TYW1B: variants seen among roughly 807,000 people sequenced by gnomAD.
TYW1B encodes the protein S-adenosyl-L-methionine-dependent tRNA 4-demethylwyosine synthase TYW1B.
A neutral mutation model predicts 86.9 loss-of-function variants in TYW1B; 73 were observed. The ratio of observed to expected loss-of-function variants is 0.84; its 90% CI spans 0.70 to 1.02. The LOEUF (loss-of-function observed/expected upper bound fraction) is 1.02, where lower values mean the gene tolerates loss of function less well. TYW1B is among the 50% of genes least tolerant of loss of function. The pLI, the probability that TYW1B is intolerant of heterozygous loss-of-function variation, is 0.00. For missense variants in TYW1B, 637 were observed against 827.4 expected (o/e 0.77, Z 2.82); for synonymous variants, 248 against 292.8 (o/e 0.85, Z 1.56).
At chr7:72,743,899 C>T (rs1164075868) in intron 8 of TYW1B, among the ~76,000 whole-genome samples, 1 of 151,260 alleles carries the variant, frequency 6.6e-6, no homozygotes, top group Non-Finnish European at 1.5e-5. Flanking sequence ...GCAAGCACCA[C>T]CACCCCCAAA....
chr7:72,702,097 T>C (rs1814490059), intron 10 of TYW1B, among the ~76,000 whole-genome samples: 1 of 152,214 alleles, frequency 6.6e-6, no homozygotes, highest in African/African-American at 2.4e-5. Flanking sequence ...CATTTATTGG[T>C]GAGCTTCTTG....
chr7:72,795,609 T>C (rs1163012365), intron 6 of TYW1B, among the ~76,000 whole-genome samples: 1 of 150,736 alleles, frequency 6.6e-6, no homozygotes, highest in African/African-American at 2.4e-5. Flanking sequence ...ATTTGGTTGG[T>C]TGGTGTAGGT....
intron 6 of TYW1B, among the ~76,000 whole-genome samples, chr7:72,797,116 T>C (rs1168005816): frequency 6.6e-6 from 1 of 152,202 alleles, no homozygotes; most frequent in African/African-American, 2.4e-5. Flanking sequence ...CATATATATC[T>C]GGTCTTTGAC....
chr7:72,686,633 T>C (rs1327552442), intron 11 of TYW1B, among the ~76,000 whole-genome samples: 1 of 152,154 alleles, frequency 6.6e-6, no homozygotes, highest in African/African-American at 2.4e-5. Context: ...GGTGGATACA[T>C]GTCACTATAC....
chr7:72,779,734 T>G (rs1364830000), intron 6 of TYW1B, among the ~76,000 whole-genome samples: 2 of 56,506 alleles, frequency 3.5e-5, no homozygotes, highest in African/African-American at 5.5e-5. Flanking sequence ...AAAAAAAAAA[T>G]TAACACTCAC....
At chr7:72,607,405 A>AAAAAAAAAG (rs1156598377) in intron 13 of TYW1B, among the ~76,000 whole-genome samples, 2 of 150,890 alleles carry the variant, frequency 1.3e-5, no homozygotes, top group East Asian at 1.9e-4. Context: ...AAAAAAAAAA[A>AAAAAAAAAG]AAAAGAAAAG....
intron 12 of TYW1B, among the ~76,000 whole-genome samples, chr7:72,621,851 A>G (rs1375774746): frequency 6.6e-6 from 1 of 152,252 alleles, no homozygotes; most frequent in East Asian, 1.9e-4. Context: ...CAGCTGATAA[A>G]CGCTGGTTAG....
chr7:72,706,431 C>CAAAAAA (rs59124514), intron 10 of TYW1B, among the ~76,000 whole-genome samples: 6 of 64,486 alleles, frequency 9.3e-5, no homozygotes, highest in South Asian at 5.6e-4. Flanking sequence ...CCTCCATCTC[C>CAAAAAA]AAAAAAAAAA....
intron 7 of TYW1B, 28 bp downstream of exon 7, chr7:72,777,388 T>C (rs782098371): frequency 1.2e-6 from 2 of 1,611,982 alleles, no homozygotes; most frequent in South Asian, 1.1e-5. Flanking sequence ...ACTATAGTCA[T>C]ATAACAACAA....
chr7:72,608,149 G>A (rs1460424269), intron 13 of TYW1B, among the ~76,000 whole-genome samples: 1 of 152,218 alleles, frequency 6.6e-6, no homozygotes, highest in African/African-American at 2.4e-5. Context: ...AGGACTGGTT[G>A]CTATCACACT....
Position 72,777,429 on chromosome 7 carries a change from G to A in TYW1B, c.951C>T (p.Ala317=). The A allele has an allele frequency of 6.2e-7, 1 of 1,613,706 alleles. No individual in the cohort carries two copies. The highest frequency in any genetic ancestry group is 8.5e-7 in the Non-Finnish European group (1 of 1,179,836). Residue 317 remains alanine (A), a synonymous_variant, in exon 7 of 14, where the codon GCC becomes GCT. Transcript: ENST00000620995. ...GAAGATTTTCACCTTGTTTAGTAAG[G>A]GCTTCTCGGAGAGCAGGAGTTATCA... ...RAMITPALRE[A]LTKQVDAPRE...
intron 10 of TYW1B, among the ~76,000 whole-genome samples, chr7:72,697,098 T>C (rs1585910421): frequency 6.6e-6 from 1 of 151,026 alleles, no homozygotes; most frequent in African/African-American, 2.4e-5. Flanking sequence ...TATCATCATC[T>C]GATAACTAAC....
At chr7:72,807,813 A>C (rs1263681640) in intron 4 of TYW1B, among the ~76,000 whole-genome samples, 1 of 152,200 alleles carries the variant, frequency 6.6e-6, no homozygotes, top group Non-Finnish European at 1.5e-5. Flanking sequence ...TTTCACTGTG[A>C]TATGAAGCAA....
At chr7:72,823,626 T>A (rs1430360244) in intron 2 of TYW1B, among the ~76,000 whole-genome samples, 2 of 151,182 alleles carry the variant, frequency 1.3e-5, no homozygotes, top group African/African-American at 2.4e-5. Flanking sequence ...CTCAAAAAAA[T>A]AAATAAATAA....
intron 11 of TYW1B, among the ~76,000 whole-genome samples, chr7:72,693,328 G>T (rs1455714246): frequency 1.3e-5 from 2 of 151,832 alleles, no homozygotes; most frequent in Non-Finnish European, 2.9e-5. Context: ...ACATTCTGAG[G>T]CTATTGATGG....
intron 6 of TYW1B, among the ~76,000 whole-genome samples, chr7:72,801,273 G>A (rs1329978477): frequency 2.0e-5 from 3 of 151,882 alleles, no homozygotes; most frequent in African/African-American, 7.3e-5. Context: ...AGGTTGCAGT[G>A]AGCCGAGATC....
At chr7:72,749,491 A>C (rs1787458072) in intron 7 of TYW1B, among the ~76,000 whole-genome samples, 1 of 152,006 alleles carries the variant, frequency 6.6e-6, no homozygotes, top group Admixed American at 6.6e-5. Context: ...GACGGGGTTC[A>C]CTGTATTAGC....
chr7:72,592,403 C>T (rs1585831416), intron 13 of TYW1B, among the ~76,000 whole-genome samples: 1 of 152,154 alleles, frequency 6.6e-6, no homozygotes, highest in South Asian at 2.1e-4. Context: ...ACAGCATCTA[C>T]ACAAAAGGAA....
At position 72,632,309 on chromosome 7, in the gene TYW1B, ATAT is replaced by A. The variant is rs1449402827; in HGVS notation, c.1507-3315_1507-3313del. ...TGTATATATATATATACGTGTATAT[ATAT>A]TATATATATTATATATATATACACG... On this transcript the variant is annotated intron_variant, in intron 11 of 13. Transcript: ENST00000620995. 2.0e-3 allele frequency among the ~76,000 whole-genome samples: 190 copies of A among 93,896 alleles called. 6 individuals carry two copies. The highest frequency in any genetic ancestry group is 5.2e-3 in the African/African-American group (99 of 19,096). 61.6% of individuals were successfully genotyped at this position (93,896 alleles called of 152,430 possible). A position where few individuals can be genotyped will look rare whatever the true frequency, so the allele number is the denominator to read the frequency against.
Sources: allele counts gnomAD v4.1 joint callset (sites outside exome capture counted in the v4.1 genomes callset), GRCh38; gene constraint gnomAD v4.1.1; transcripts MANE v1.5; gene names NCBI Gene and HGNC (gene_info 2026-07-23, HGNC 2026-07-21).